Variants in SYN3 observed in about 807,000 individuals in gnomAD.
SYN3 encodes the protein synapsin-3.
SYN3 carries 35 observed loss-of-function variants against 65.8 expected under a neutral mutation model. That is an observed-to-expected ratio of 0.53 (90% CI 0.41 to 0.70). The LOEUF is 0.70. SYN3 is among the 30% of genes least tolerant of loss of function. The pLI is 0.00. For missense variants in SYN3, 680 were observed against 749.0 expected, an observed-to-expected ratio of 0.91 and a Z score of 1.08; for synonymous variants, 270 against 292.9, an observed-to-expected ratio of 0.92 and a Z score of 0.80.
At chr22:32,686,027 A>C (rs1038927015) in intron 6 of SYN3, among the ~76,000 whole-genome samples, 2 of 152,214 alleles carry the variant, frequency 1.3e-5, no homozygotes, top group Admixed American at 6.5e-5. Flanking sequence ...AGCAGGAAAC[A>C]CACCCCAATT....
chr22:32,709,607 C>G (rs907148792), intron 6 of SYN3, among the ~76,000 whole-genome samples: 6 of 152,086 alleles, frequency 3.9e-5, no homozygotes, highest in African/African-American at 7.2e-5. Context: ...AATCTCAGTA[C>G]AAAACATTCA....
chr22:32,762,218 C>T (rs1471561466), intron 6 of SYN3, among the ~76,000 whole-genome samples: 2 of 152,074 alleles, frequency 1.3e-5, no homozygotes, highest in East Asian at 3.9e-4. Context: ...AAGCAGTGGG[C>T]TGGGACTGGC....
chr22:32,528,234 C>T (rs541233592), intron 11 of SYN3, among the ~76,000 whole-genome samples: 8 of 152,320 alleles, frequency 5.3e-5, no homozygotes, highest in Non-Finnish European at 4.4e-5. Context: ...CTGCCCCGTG[C>T]CCCTTCCCAG....
chr22:32,604,270 G>A (rs553262582), intron 6 of SYN3, among the ~76,000 whole-genome samples: 2 of 152,302 alleles, frequency 1.3e-5, no homozygotes, highest in African/African-American at 4.8e-5. Flanking sequence ...AGACTTCCAG[G>A]AGGAGCTGGC....
chr22:32,656,178 C>T (rs1334141251), intron 6 of SYN3, among the ~76,000 whole-genome samples: 3 of 152,186 alleles, frequency 2.0e-5, no homozygotes, highest in East Asian at 3.9e-4. Context: ...TTCCATTCTG[C>T]AAATTTCTGC....
At chr22:32,716,106 G>T (rs2061035933) in intron 6 of SYN3, among the ~76,000 whole-genome samples, 1 of 152,160 alleles carries the variant, frequency 6.6e-6, no homozygotes, top group Non-Finnish European at 1.5e-5. Flanking sequence ...ATGTGGATGG[G>T]ACAATGAGGC....
chr22:32,721,958 G>C (rs1226960394), intron 6 of SYN3, among the ~76,000 whole-genome samples: 1 of 152,178 alleles, frequency 6.6e-6, no homozygotes, highest in Non-Finnish European at 1.5e-5. Context: ...TGCAGGCAGG[G>C]AAGTGGCTGG....
At chr22:32,590,165 A>AT (rs1409372967) in intron 7 of SYN3, among the ~76,000 whole-genome samples, 4 of 152,220 alleles carry the variant, frequency 2.6e-5, no homozygotes, top group African/African-American at 9.6e-5. Context: ...CTCTCCGAAG[A>AT]TAACTTCTAT....
chr22:32,623,000 T>A (rs73154359), intron 6 of SYN3, among the ~76,000 whole-genome samples: 30 of 152,080 alleles, frequency 2.0e-4, no homozygotes, highest in Non-Finnish European at 4.4e-4. Flanking sequence ...GGGAGACTTG[T>A]TCCTCCTGAA....
chr22:32,711,129 C>T (rs1048263347), intron 6 of SYN3, among the ~76,000 whole-genome samples: 55 of 152,148 alleles, frequency 3.6e-4, no homozygotes, highest in African/African-American at 1.3e-3. Context: ...TTTCAGTTTT[C>T]AAACCAGGAA....
At chr22:32,935,686 G>A (rs1264435502) in intron 3 of SYN3, among the ~76,000 whole-genome samples, 1 of 152,108 alleles carries the variant, frequency 6.6e-6, no homozygotes, top group Non-Finnish European at 1.5e-5. Context: ...CCTGACCTCA[G>A]GGCGATCCAC....
At chr22:32,922,295 G>T (rs2050354835) in intron 4 of SYN3, among the ~76,000 whole-genome samples, 1 of 152,154 alleles carries the variant, frequency 6.6e-6, no homozygotes, top group South Asian at 2.1e-4. Flanking sequence ...TTATTGGCTG[G>T]AGAACTGGAT....
chr22:32,552,337 G>T (rs1054520781), intron 7 of SYN3, among the ~76,000 whole-genome samples: 1 of 152,096 alleles, frequency 6.6e-6, no homozygotes, highest in Non-Finnish European at 1.5e-5. Flanking sequence ...GTATCCAGAG[G>T]TGTTTGAGAG....
At chr22:32,581,147 C>T (rs1327799109) in intron 7 of SYN3, among the ~76,000 whole-genome samples, 3 of 152,132 alleles carry the variant, frequency 2.0e-5, no homozygotes, top group Non-Finnish European at 2.9e-5. Context: ...TCTCGCTCTG[C>T]CACTCAGGCT....
chr22:33,057,507 A>C (rs2054273411), intron 1 of SYN3: 1 of 152,506 alleles, frequency 6.6e-6, no homozygotes, highest in Non-Finnish European at 1.5e-5. Context: ...CAGCCTGGCA[A>C]AACCTCCGAC....
chr22:32,744,850 A>C (rs1369437740), intron 6 of SYN3, among the ~76,000 whole-genome samples: 25 of 152,216 alleles, frequency 1.6e-4, no homozygotes, highest in Admixed American at 1.6e-3. Flanking sequence ...AGACCCAGGC[A>C]GAAAAGACAC....
chr22:32,899,543 C>T (rs948122483), intron 4 of SYN3, among the ~76,000 whole-genome samples: 4 of 152,128 alleles, frequency 2.6e-5, no homozygotes, highest in Admixed American at 1.3e-4. Context: ...AGGTTATGGG[C>T]CCACCAGTGG....
At chr22:32,641,307 C>T (rs1013895451) in intron 6 of SYN3, among the ~76,000 whole-genome samples, 2 of 152,006 alleles carry the variant, frequency 1.3e-5, no homozygotes, top group African/African-American at 4.8e-5. Flanking sequence ...GGAAGCTAAA[C>T]GTTAAGATGT....
intron 3 of SYN3, among the ~76,000 whole-genome samples, chr22:32,979,659 T>C (rs2052314162): frequency 6.6e-6 from 1 of 152,134 alleles, no homozygotes. Context: ...TAAAGAATAA[T>C]GATGCTGATG....
Sources: gnomAD v4.1 joint callset for allele counts (sites outside exome capture counted in the v4.1 genomes callset) on GRCh38, gnomAD v4.1.1 for gene constraint, MANE v1.5 for transcripts, NCBI Gene and HGNC (gene_info 2026-07-23, HGNC 2026-07-21) for gene names.